The following FMNL2 variants were observed in gnomAD, a reference collection of about 807,000 sequenced individuals.
FMNL2 encodes formin-like protein 2.
In FMNL2, 51 loss-of-function variants were observed where a neutral mutation model predicts 130.2. The ratio of observed to expected loss-of-function variants is 0.39; its 90% CI spans 0.31 to 0.49. The LOEUF is 0.49. FMNL2 is among the 20% of genes least tolerant of loss of function. FMNL2 has a pLI of 0.85. For synonymous variants in FMNL2, 465 were observed against 467.1 expected (o/e 1.00, Z 0.06); for missense variants, 977 against 1,316.2 (o/e 0.74, Z 3.99).
chr2:152,386,263 T>C (rs1311609872), intron 1 of FMNL2, among the ~76,000 whole-genome samples: 1 of 152,206 alleles, frequency 6.6e-6, no homozygotes, highest in Non-Finnish European at 1.5e-5. Context: ...CAGAGTCTTA[T>C]CCTTTCACTG....
intron 13 of FMNL2, among the ~76,000 whole-genome samples, chr2:152,618,522 C>A (rs1264115812): frequency 2.0e-5 from 3 of 152,120 alleles, no homozygotes; most frequent in Non-Finnish European, 2.9e-5. Context: ...AAAACATGCA[C>A]CACCAGAACA....
chr2:152,442,601 G>T (rs955797758), intron 1 of FMNL2, among the ~76,000 whole-genome samples: 1 of 151,920 alleles, frequency 6.6e-6, no homozygotes, highest in Admixed American at 6.6e-5. Flanking sequence ...ACCTTTCTCC[G>T]TACCCCCACC....
At chr2:152,640,755 C>A in intron 24 of FMNL2, 36 bp from the exon 25 acceptor site, 1 of 1,606,556 alleles carries the variant, frequency 6.2e-7, no homozygotes, top group Non-Finnish European at 8.5e-7. Flanking sequence ...CTAATGGGTG[C>A]TGGCCTCACT....
chr2:152,404,378 A>G (rs144538551), intron 1 of FMNL2, among the ~76,000 whole-genome samples: 78 of 152,334 alleles, frequency 5.1e-4, no homozygotes, highest in East Asian at 2.1e-3. Flanking sequence ...CAGGCACTTA[A>G]CAGAGAAAGG....
At chr2:152,358,263 A>G (rs1057403817) in intron 1 of FMNL2, among the ~76,000 whole-genome samples, 2 of 152,012 alleles carry the variant, frequency 1.3e-5, no homozygotes, top group African/African-American at 4.8e-5. Context: ...CAGCTTCCCT[A>G]CTTTAGAGGT....
At chr2:152,603,065 T>C (rs1289014979) in intron 9 of FMNL2, among the ~76,000 whole-genome samples, 1 of 152,178 alleles carries the variant, frequency 6.6e-6, no homozygotes, top group Admixed American at 6.5e-5. Context: ...TGTTTAATGA[T>C]TGCTAAAGTA....
At chr2:152,503,785 G>A (rs1056921698) in intron 1 of FMNL2, among the ~76,000 whole-genome samples, 20 of 152,186 alleles carry the variant, frequency 1.3e-4, no homozygotes, top group African/African-American at 4.6e-4. Flanking sequence ...CAAATTTGGG[G>A]AAGGTATTGC....
At chr2:152,388,028 T>C (rs1169501117) in intron 1 of FMNL2, among the ~76,000 whole-genome samples, 3 of 152,186 alleles carry the variant, frequency 2.0e-5, no homozygotes, top group Admixed American at 6.5e-5. Flanking sequence ...TAGGCTAATA[T>C]AATAAGAATT....
At position 152,599,628 on chromosome 2, in the gene FMNL2, C is replaced by T. The variant is rs377403442; in HGVS notation, c.877-7711C>T. Among the ~76,000 whole-genome samples the T allele has an allele frequency of 7.2e-5, 11 of 152,034 alleles. No homozygotes were observed. In the East Asian group the frequency reaches 1.4e-3, roughly 19 times the overall value. On this transcript the variant is annotated intron_variant, in intron 9 of 25. Transcript: ENST00000288670. ...TGCCAAACATCTGGATATCTGGAAA[C>T]ACCTGGAAAAGTTACTGAAGTTTTC...
At chr2:152,366,394 A>T (rs1011219593) in intron 1 of FMNL2, among the ~76,000 whole-genome samples, 1 of 152,050 alleles carries the variant, frequency 6.6e-6, no homozygotes, top group Admixed American at 6.6e-5. Context: ...CATATGTAAC[A>T]AACCTGCACG....
chr2:152,571,729 G>A (rs1353480210), intron 6 of FMNL2, among the ~76,000 whole-genome samples: 1 of 152,178 alleles, frequency 6.6e-6, no homozygotes, highest in Non-Finnish European at 1.5e-5. Flanking sequence ...TGTGGCAAAG[G>A]ACCTGATGCA....
chr2:152,611,466 C>T (rs1193737326), intron 10 of FMNL2, 29 bp from the exon 11 acceptor site: 2 of 1,384,846 alleles, frequency 1.4e-6, no homozygotes, highest in Non-Finnish European at 2.0e-6. Context: ...GTTTGGAGCC[C>T]ATCTAACCCC....
intron 25 of FMNL2, among the ~76,000 whole-genome samples, chr2:152,641,748 A>G (rs1230801697): frequency 6.6e-6 from 1 of 152,210 alleles, no homozygotes; most frequent in Non-Finnish European, 1.5e-5. Flanking sequence ...TTGACAACCA[A>G]GACGTAGAAT....
chr2:152,427,123 C>A (rs1230325084), intron 1 of FMNL2, among the ~76,000 whole-genome samples: 2 of 152,218 alleles, frequency 1.3e-5, no homozygotes, highest in African/African-American at 4.8e-5. Flanking sequence ...AGCAGGAAAT[C>A]ATTCTGATTA....
At position 152,394,272 on chromosome 2, in the gene FMNL2, C is replaced by T. The variant is rs531893907; in HGVS notation, c.117+58552C>T. 2.0e-5 allele frequency among the ~76,000 whole-genome samples: 3 copies of T among 152,088 alleles called. No individual in the cohort carries two copies. In the South Asian group the frequency reaches 6.2e-4, roughly 32 times the overall value. On this transcript the variant is annotated intron_variant, in intron 1 of 25. Transcript: ENST00000288670. The stretch of plus-strand genomic sequence containing the variant: ...CGGAGACAATGTTTTTTAAAGAATT[C>T]GCTTTTATTCATGTGGAATCTAGTT...
At chr2:152,555,678 C>T (rs773336142) in intron 4 of FMNL2, among the ~76,000 whole-genome samples, 5 of 152,174 alleles carry the variant, frequency 3.3e-5, no homozygotes, top group Admixed American at 6.6e-5. Context: ...AGCTCCTAAG[C>T]ATCTGATTTA....
chr2:152,429,520 T>A (rs1687384425), intron 1 of FMNL2, among the ~76,000 whole-genome samples: 2 of 152,172 alleles, frequency 1.3e-5, no homozygotes, highest in South Asian at 4.1e-4. Flanking sequence ...ATGTGCCAGC[T>A]ATTGCTGACT....
At chr2:152,474,479 A>T (rs1184689977) in intron 1 of FMNL2, among the ~76,000 whole-genome samples, 1 of 152,024 alleles carries the variant, frequency 6.6e-6, no homozygotes, top group East Asian at 1.9e-4. Flanking sequence ...GAAGTCAGGA[A>T]TTCAAGACCA....
rs76231553 is a variant in FMNL2 at position 152,569,617 on chromosome 2, G to A, written c.597-5519G>A. On this transcript the variant is annotated intron_variant, in intron 6 of 25. Coordinates refer to ENST00000288670, the MANE Select transcript of FMNL2 (RefSeq NM_052905.4). ...GATCACTTGAACATGGGAGGTCAAG[G>A]CTGCAATGTGCGGAGATCATGCCAC... Among the ~76,000 whole-genome samples, 337 of 147,658 alleles carry A rather than the reference G, an allele frequency of 2.3e-3. 4 individuals carry two copies. Among genetic ancestry groups the A allele is most frequent in the African/African-American group, 8.1e-3 (321 of 39,702 alleles).
Sources: allele counts gnomAD v4.1 joint callset (sites outside exome capture counted in the v4.1 genomes callset), GRCh38; gene constraint gnomAD v4.1.1; transcripts MANE v1.5; gene names NCBI Gene and HGNC (gene_info 2026-07-23, HGNC 2026-07-21).